Variants in SLC15A1 observed in about 807,000 individuals in gnomAD.
SLC15A1 encodes Caco-2 oligopeptide transporter.
Under a neutral mutation model 92.9 loss-of-function variants are expected in SLC15A1, and 83 were observed. That is an observed-to-expected ratio of 0.89 (90% CI 0.75 to 1.07). The LOEUF is 1.07. Ranked by LOEUF, SLC15A1 falls within the 50% of genes least tolerant of loss-of-function variation. The pLI is 0.00. For missense variants in SLC15A1, 857 were observed against 880.1 expected (o/e 0.97, Z 0.33); for synonymous variants, 322 against 318.2 (o/e 1.01, Z -0.13).
rs755681837 is a variant in SLC15A1, at chr13:98,711,882, G to C, written c.872C>G (p.Pro291Arg). Residue 291 changes from proline to arginine, a missense_variant, in exon 11 of 23, where the codon CCA becomes CGA. Transcript: ENST00000376503. Reference sequence around the variant, plus strand: ...CTGGTCAAACAAGGCCCAGAACATTGGGAGTGGAATATACAGGAACATCAC... The same window carrying C: ...CTGGTCAAACAAGGCCCAGAACATTCGGAGTGGAATATACAGGAACATCAC... ...TRVMFLYIPL[P>R]MFWALFDQQG... 1.9e-6 allele frequency: 3 copies of C among 1,613,642 alleles called. No homozygotes were observed. Among genetic ancestry groups the C allele is most frequent in the Non-Finnish European group, 1.7e-6 (2 of 1,179,870 alleles).
chr13:98,698,776 T>C (rs1402081008), intron 18 of SLC15A1, among the ~76,000 whole-genome samples: 1 of 152,186 alleles, frequency 6.6e-6, no homozygotes, highest in Non-Finnish European at 1.5e-5. Context: ...AAAATATACT[T>C]AATATATTTT....
chr13:98,701,848 A>C (rs545741349), intron 18 of SLC15A1, among the ~76,000 whole-genome samples: 1 of 151,228 alleles, frequency 6.6e-6, no homozygotes, highest in Non-Finnish European at 1.5e-5. Context: ...TTTTTTTAAA[A>C]ATTTTTATTA....
At position 98,688,269 on chromosome 13, in the gene SLC15A1, A is replaced by G. The variant is rs778087992; in HGVS notation, c.1662T>C (p.Tyr554=). Residue 554 remains tyrosine (Y), a synonymous_variant, in exon 20 of 23, where the codon TAT becomes TAC. Transcript: ENST00000376503. ...TAACCTTCCTTTGGACTATATAGGT[A>G]TAAGCACTACCAAATTCAAGGTAGA... ...NTFYLEFGSA[Y]TYIVQRKNDS... 4.1e-5 allele frequency: 66 copies of G among 1,613,074 alleles called. No homozygotes were observed. The highest frequency in any genetic ancestry group is 5.3e-5 in the Non-Finnish European group (63 of 1,179,232).
At chr13:98,715,669 T>C (rs2088206805) in intron 9 of SLC15A1, among the ~76,000 whole-genome samples, 3 of 152,258 alleles carry the variant, frequency 2.0e-5, no homozygotes, top group African/African-American at 4.8e-5. Flanking sequence ...ATTGATCTTA[T>C]TTTATAAGCT....
rs1374304869 is a variant in SLC15A1, at chr13:98,711,902, C to T, written c.852G>A (p.Met284Ile). Residue 284 changes from methionine to isoleucine, a missense_variant, in exon 11 of 23, where the codon ATG becomes ATA. By Grantham distance (10) the Met-to-Ile change is conservative (BLOSUM62 1). Transcript: ENST00000376503. ...ISQIKMVTRV[M>I]FLYIPLPMFW... is the part of the protein sequence containing the mutation. The stretch of plus-strand genomic sequence containing the variant: ...ACATTGGGAGTGGAATATACAGGAA[C>T]ATCACCCTCGTAACCATCTTAATTT... 2 of 1,613,504 alleles carry T rather than the reference C, an allele frequency of 1.2e-6. No homozygotes were observed. The highest frequency in any genetic ancestry group is 1.1e-5 in the South Asian group (1 of 91,056).
At chr13:98,738,500 TCTTACATCCCAGCCACTTAGG>T (rs2088413217) in intron 1 of SLC15A1, among the ~76,000 whole-genome samples, 1 of 152,252 alleles carries the variant, frequency 6.6e-6, no homozygotes, top group South Asian at 2.1e-4. Flanking sequence ...GGACACTGCT[TCTTACATCCCAGCCACTTAGG>T]CTCCAGCCTT....
rs542506690 is a variant in SLC15A1 at position 98,736,591 on chromosome 13, G to A, written c.5-9732C>T. On this transcript the variant is annotated intron_variant, in intron 1 of 22. Coordinates refer to ENST00000376503, the MANE Select transcript of SLC15A1 (RefSeq NM_005073.4). ...GGGAGAAAATGTTTGCAATCTACTC[G>A]TCTGACAAAGGGCTAATATCTAGAA... Among the ~76,000 whole-genome samples the A allele has an allele frequency of 5.9e-5, 9 of 152,148 alleles. No individual in the cohort carries two copies. The South Asian group carries it at 6.2e-4, about 11-fold the overall frequency.
Position 98,726,145 on chromosome 13 carries a change from C to T in SLC15A1, c.223G>A (p.Asp75Asn), listed in dbSNP as rs1481022712. 14 of 1,613,850 alleles carry T rather than the reference C, an allele frequency of 8.7e-6. No individual in the cohort carries two copies. Among genetic ancestry groups the T allele is most frequent in the Middle Eastern group, 1.6e-4 (1 of 6,082 alleles). Residue 75 changes from aspartate (D) to asparagine (N), a missense_variant, in exon 4 of 23, where the codon GAC becomes AAC. Coordinates refer to ENST00000376503, the MANE Select transcript of SLC15A1 (RefSeq NM_005073.4). ...CACTTGAACTTTCCCAGCCACGAGT[C>T]GGCGATAAGAGCTCCGAGAATTGGC... ...LTPILGALIA[D>N]SWLGKFKTIV... is the part of the protein sequence containing the mutation.
intron 18 of SLC15A1, among the ~76,000 whole-genome samples, chr13:98,693,297 C>T (rs2087997083): frequency 6.6e-6 from 1 of 151,944 alleles, no homozygotes; most frequent in African/African-American, 2.4e-5. Context: ...GGGGTTTCAC[C>T]ATGTTGGCTA....
intron 1 of SLC15A1, among the ~76,000 whole-genome samples, chr13:98,730,810 G>A (rs1246141174): frequency 2.6e-5 from 4 of 152,224 alleles, no homozygotes; most frequent in African/African-American, 9.6e-5. Context: ...TCTGCATGGT[G>A]GGTCCCGTGG....
rs1281168303 is a variant in SLC15A1 at position 98,735,920 on chromosome 13, G to C, written c.5-9061C>G. 5.3e-5 allele frequency among the ~76,000 whole-genome samples: 8 copies of C among 152,112 alleles called. 1 individual carries two copies. On this transcript the variant is annotated intron_variant, in intron 1 of 22. Transcript: ENST00000376503. ...TCATGAAAATGGACATACTGCCCAA[G>C]GTAATTTATAGATTCAATGCCATCC...
chr13:98,687,193 A>C (rs79764110), intron 21 of SLC15A1, among the ~76,000 whole-genome samples: 1,988 of 152,184 alleles, frequency 0.013, 21 homozygotes, highest in Non-Finnish European at 0.022. Context: ...AGAGACCTCA[A>C]CCAAACCTAT....
At chr13:98,687,535 AG>A in intron 21 of SLC15A1, 45 bp downstream of exon 21, 1 of 1,586,998 alleles carries the variant, frequency 6.3e-7, no homozygotes, top group Non-Finnish European at 8.6e-7. Flanking sequence ...CATTTTCTGC[AG>A]GCAGGGGTAT....
intron 9 of SLC15A1, among the ~76,000 whole-genome samples, chr13:98,715,015 C>A (rs2088202343): frequency 6.6e-6 from 1 of 152,172 alleles, no homozygotes; most frequent in Admixed American, 6.5e-5. Flanking sequence ...TCCTTAAAAA[C>A]AAGACTGCTC....
At chr13:98,717,656 A>G (rs568825957) in intron 8 of SLC15A1, among the ~76,000 whole-genome samples, 132 of 152,358 alleles carry the variant, frequency 8.7e-4, no homozygotes, top group Non-Finnish European at 1.2e-3. Context: ...GGAAGAAAAG[A>G]GACATTAAAA....
chr13:98,702,354 C>G (rs1048478437), intron 18 of SLC15A1, 126 bp downstream of exon 18: 2 of 733,184 alleles, frequency 2.7e-6, no homozygotes, highest in African/African-American at 3.6e-5. Context: ...ATTCAGCCAG[C>G]CTTACATTGC....
chr13:98,690,329 T>C (rs1161419985), intron 18 of SLC15A1, among the ~76,000 whole-genome samples: 3 of 152,166 alleles, frequency 2.0e-5, no homozygotes, highest in Non-Finnish European at 1.5e-5. Flanking sequence ...CTTGGTGTCA[T>C]TTGATAGCTG....
intron 1 of SLC15A1, among the ~76,000 whole-genome samples, chr13:98,748,045 G>A (rs1337609700): frequency 2.6e-5 from 4 of 152,156 alleles, no homozygotes; most frequent in African/African-American, 4.8e-5. Flanking sequence ...AACACTCCTA[G>A]TTGCTGCTTT....
At chr13:98,720,110 C>T (rs562063363) in intron 7 of SLC15A1, among the ~76,000 whole-genome samples, 3 of 152,230 alleles carry the variant, frequency 2.0e-5, no homozygotes, top group South Asian at 4.2e-4. Flanking sequence ...TCTCACAATT[C>T]GGGAGAGAAA....
Sources: gnomAD v4.1 joint callset for allele counts (sites outside exome capture counted in the v4.1 genomes callset) on GRCh38, gnomAD v4.1.1 for gene constraint, MANE v1.5 for transcripts, NCBI Gene and HGNC (gene_info 2026-07-23, HGNC 2026-07-21) for gene names.